Variants in NBPF19 observed in about 807,000 individuals in gnomAD.
NBPF19 encodes NBPF family member NBPF19.
NBPF19 carries 30 observed loss-of-function variants against 45.9 expected under a neutral mutation model. The ratio of observed to expected loss-of-function variants is 0.65; its 90% CI spans 0.49 to 0.89. The LOEUF (loss-of-function observed/expected upper bound fraction) is 0.89. Ranked by LOEUF, NBPF19 falls within the 40% of genes least tolerant of loss-of-function variation. The pLI is 0.00. For synonymous variants in NBPF19, 183 were observed against 181.2 expected, an observed-to-expected ratio of 1.01 and a Z score of -0.08; for missense variants, 495 against 471.8, an observed-to-expected ratio of 1.05 and a Z score of -0.46.
chr1:149,492,523 C>CT (rs2085881518), intron 15 of NBPF19, among the ~76,000 whole-genome samples: 1 of 116,148 alleles, frequency 8.6e-6, no homozygotes, highest in African/African-American at 3.3e-5. Context: ...CACTTTCTCT[C>CT]TGTCTCTGTC....
intron 17 of NBPF19, among the ~76,000 whole-genome samples, chr1:149,494,088 T>A (rs1260756730): frequency 7.4e-6 from 1 of 134,310 alleles, no homozygotes; most frequent in African/African-American, 3.3e-5. Context: ...CTGAGCTCAC[T>A]TTCTCCTCTC....
rs1470982669 is a variant in NBPF19, at chr1:149,556,189, TCTGC to T, written c.*1455_*1458del. 6.8e-6 allele frequency: 1 copy of T among 147,766 alleles called. No individual in the cohort carries two copies. The highest frequency in any genetic ancestry group is 1.5e-5 in the Non-Finnish European group (1 of 66,748). The allele number at this position is 147,766 out of a possible 1,614,324, so 9.2% of individuals were successfully genotyped here. A position where few individuals can be genotyped will look rare whatever the true frequency, so the allele number is the denominator to read the frequency against. On this transcript the variant is annotated 3_prime_UTR_variant, in exon 94 of 94. Coordinates refer to ENST00000651566, the MANE Select transcript of NBPF19 (RefSeq NM_001351365.2). ...CTGTTGCAAAAAGAAGAAAACATTC[TCTGC>T]CTGAGTTTTAATTTTTGTCCAAAGT...
chr1:149,482,632 G>C (rs1199314772), intron 7 of NBPF19, among the ~76,000 whole-genome samples: 1 of 152,160 alleles, frequency 6.6e-6, no homozygotes, highest in Non-Finnish European at 1.5e-5. Context: ...ATGTTAGGGT[G>C]TCCATTTTAG....
Position 149,487,913 on chromosome 1 carries a change from T to A in NBPF19, c.1041-100T>A, listed in dbSNP as rs1409181128. The A allele has an allele frequency of 4.7e-5, 35 of 742,070 alleles. 2 individuals are homozygous for A. In the South Asian group the frequency reaches 4.9e-4, roughly 10 times the overall value. 46.0% of individuals were successfully genotyped at this position (742,070 alleles called of 1,614,324 possible). A position where few individuals can be genotyped will look rare whatever the true frequency, so the allele number is the denominator to read the frequency against. ...ACCTCACTAATGGATCTCTCCTTTT[T>A]CTTTTCAAACTCTTCCTTATGTTAG... On this transcript the variant is annotated intron_variant, in intron 9 of 93. Coordinates refer to ENST00000651566, the MANE Select transcript of NBPF19 (RefSeq NM_001351365.2).
chr1:149,554,164 CTT>C (rs2087136401), intron 93 of NBPF19, among the ~76,000 whole-genome samples: 1 of 146,078 alleles, frequency 6.8e-6, no homozygotes, highest in East Asian at 2.0e-4. Flanking sequence ...TGAGCTCACT[CTT>C]TTCATGATCA....
chr1:149,480,318 G>A lies in NBPF19; in HGVS notation c.566+104G>A, dbSNP rs1389335753. The A allele has an allele frequency of 2.9e-5, 20 of 686,836 alleles. 1 individual carries two copies. Among genetic ancestry groups the A allele is most frequent in the Admixed American group, 1.9e-4 (9 of 47,598 alleles). 42.5% of individuals were successfully genotyped at this position (686,836 alleles called of 1,614,324 possible). ...TATGATGGGCCAAAAACCCGCATTC[G>A]CTTGGCCACAGTATGTGAAATATAA... On this transcript the variant is annotated intron_variant, in intron 5 of 93. Coordinates refer to ENST00000651566, the MANE Select transcript of NBPF19 (RefSeq NM_001351365.2).
At chr1:149,486,713 T>A (rs1461448612) in intron 8 of NBPF19, among the ~76,000 whole-genome samples, 1 of 151,368 alleles carries the variant, frequency 6.6e-6, no homozygotes, top group Non-Finnish European at 1.5e-5. Context: ...AAGGCCAGTG[T>A]CACCCTTGTC....
In NBPF19 at chr1:149,477,473, T is replaced by A. The variant is rs1456357279; in HGVS notation, c.176-472T>A. ...TCTTAAAACCATATCTGAATATTGATTTAAAAATGAAATATTTTTAAAGTC... is the reference window on the plus strand; with the variant it reads ...TCTTAAAACCATATCTGAATATTGAATTAAAAATGAAATATTTTTAAAGTC... On this transcript the variant is annotated intron_variant, in intron 2 of 93. Transcript: ENST00000651566. Among the ~76,000 whole-genome samples, 125 of 151,496 alleles carry A rather than the reference T, an allele frequency of 8.3e-4. 3 individuals are homozygous for A. The highest frequency in any genetic ancestry group is 2.8e-3 in the African/African-American group (116 of 41,330).
rs1462333177 is a variant in NBPF19 at position 149,554,371 on chromosome 1, C to A, written c.11289-124C>A. ...TAAAGGCAATAAATTTTTTTTTTTA[C>A]CTCATTAATGGATCTATCCTTTTTC... is the stretch of plus-strand genomic sequence containing the variant. On this transcript the variant is annotated intron_variant, in intron 93 of 93. Coordinates refer to ENST00000651566, the MANE Select transcript of NBPF19 (RefSeq NM_001351365.2). The A allele has an allele frequency of 1.5e-5, 23 of 1,565,248 alleles. 1 individual carries two copies. Among genetic ancestry groups the A allele is most frequent in the South Asian group, 9.5e-5 (8 of 84,416 alleles).
Position 149,554,708 on chromosome 1 carries a change from G to C in NBPF19, c.11502G>C (p.Val3834=). The C allele has an allele frequency of 1.2e-6, 2 of 1,608,096 alleles. No individual in the cohort carries two copies. The highest frequency in any genetic ancestry group is 1.3e-5 in the African/African-American group (1 of 74,632). ...FTLTVTSLHL[V]FQMLVIFPQ ...TGACGGTGACAAGTCTCCATCTGGT[G>C]TTCCAGATGTTAGTCATATTCCCAC... The change falls in exon 94 of 94, where the codon GTG becomes GTC. Residue 3834 remains valine, a synonymous_variant. Transcript: ENST00000651566.
chr1:149,477,431 T>A (rs1323991285), intron 2 of NBPF19, among the ~76,000 whole-genome samples: 1 of 151,432 alleles, frequency 6.6e-6, no homozygotes, highest in African/African-American at 2.4e-5. Flanking sequence ...TCTCACACTT[T>A]ATGCTTCAGA....
intron 8 of NBPF19, among the ~76,000 whole-genome samples, chr1:149,487,061 G>C (rs2085565495): frequency 6.6e-6 from 1 of 150,622 alleles, no homozygotes; most frequent in Non-Finnish European, 1.5e-5. Flanking sequence ...CAATTTATTG[G>C]GGAAAAATTG....
In NBPF19 at chr1:149,555,557, C is replaced by CCTGT. The variant is rs1204892413; in HGVS notation, c.*822_*825dup. On this transcript the variant is annotated 3_prime_UTR_variant, in exon 94 of 94. Transcript: ENST00000651566. ...GTAGAACACTGAGCAGGACAACTGA[C>CCTGT]CTGTCTCCTTCACATAGTCCATATC... 1.3e-5 allele frequency: 2 copies of CCTGT among 148,652 alleles called. No individual in the cohort carries two copies. Among genetic ancestry groups the CCTGT allele is most frequent in the African/African-American group, 5.0e-5 (2 of 40,338 alleles). 9.2% of individuals were successfully genotyped at this position (148,652 alleles called of 1,614,324 possible). A position where few individuals can be genotyped will look rare whatever the true frequency, so the allele number is the denominator to read the frequency against.
At chr1:149,554,470 T>G (rs1188012036) in intron 93 of NBPF19, 25 bp from the exon 94 acceptor site, 3 of 1,608,132 alleles carry the variant, frequency 1.9e-6, no homozygotes, top group East Asian at 2.2e-5. Context: ...CCTGGCTGCT[T>G]CTTTAGTTTT....
chr1:149,478,393 C>T (rs1321826342), intron 3 of NBPF19, among the ~76,000 whole-genome samples: 5 of 151,222 alleles, frequency 3.3e-5, no homozygotes, highest in African/African-American at 9.7e-5. Flanking sequence ...AGAATCACCT[C>T]CTGACTGACT....
At position 149,554,687 on chromosome 1, in the gene NBPF19, G is replaced by C. The variant is rs1233138085; in HGVS notation, c.11481G>C (p.Thr3827=). Residue 3827 remains threonine (T), a synonymous_variant, in exon 94 of 94, where the codon ACG becomes ACC. Transcript: ENST00000651566. ...TGGACAATAGGTTTTTTACTTTGAC[G>C]GTGACAAGTCTCCATCTGGTGTTCC... ...LYLDNRFFTL[T]VTSLHLVFQM... The C allele has an allele frequency of 3.1e-6, 5 of 1,608,114 alleles. No homozygotes were observed. Among genetic ancestry groups the C allele is most frequent in the Admixed American group, 1.7e-5 (1 of 59,888 alleles).
At chr1:149,554,414 T>C in intron 93 of NBPF19, 81 bp from the exon 94 acceptor site, 4 of 1,607,386 alleles carry the variant, frequency 2.5e-6, no homozygotes, top group Non-Finnish European at 3.4e-6. Context: ...ACCACTTCCT[T>C]ATGTGACTTC....
chr1:149,487,759 A>G (rs2085665609), intron 9 of NBPF19, among the ~76,000 whole-genome samples: 1 of 145,900 alleles, frequency 6.9e-6, no homozygotes, highest in East Asian at 2.0e-4. Context: ...CACCTGACCA[A>G]TTGACTGAGC....
At chr1:149,487,775 C>CTGTGTGTGTG (rs1219803937) in intron 9 of NBPF19, among the ~76,000 whole-genome samples, 94 of 128,746 alleles carry the variant, frequency 7.3e-4, no homozygotes, top group Middle Eastern at 4.1e-3. Flanking sequence ...TGAGCTCGCT[C>CTGTGTGTGTG]TGTGTGTGTG....
Sources: allele counts gnomAD v4.1 joint callset (sites outside exome capture counted in the v4.1 genomes callset), GRCh38; gene constraint gnomAD v4.1.1; transcripts MANE v1.5; gene names NCBI Gene and HGNC (gene_info 2026-07-23, HGNC 2026-07-21).